Variants in APBB2 observed in about 807,000 individuals in gnomAD.
APBB2 encodes the protein amyloid beta precursor protein binding family B member 2.
Under a neutral mutation model 82.5 loss-of-function variants are expected in APBB2, and 38 were observed. The ratio of observed to expected loss-of-function variants is 0.46; its 90% CI spans 0.36 to 0.60. The LOEUF is 0.60. APBB2 is among the 20% of genes least tolerant of loss of function. The probability of loss-of-function intolerance (pLI) is 0.00; values close to 1 mark genes in which losing one functional copy is unlikely to be tolerated. For missense variants in APBB2, 772 were observed against 972.3 expected (o/e 0.79, Z 2.74); for synonymous variants, 341 against 368.2 (o/e 0.93, Z 0.85).
At chr4:40,821,437 G>T (rs4861067) in intron 17 of APBB2, among the ~76,000 whole-genome samples, 80,033 of 152,066 alleles carry the variant, frequency 0.53, 21,393 homozygotes, top group African/African-American at 0.61. Context: ...AGAGTTGTCG[G>T]AAGGACTGAG....
At chr4:40,945,175 G>C in intron 6 of APBB2, 102 bp from the exon 7 acceptor site, 1 of 806,596 alleles carries the variant, frequency 1.2e-6, no homozygotes, top group East Asian at 2.6e-5. Flanking sequence ...CGTGTCCATA[G>C]TCCAAATGAT....
intron 6 of APBB2, among the ~76,000 whole-genome samples, chr4:40,992,034 TAA>T (rs1181913268): frequency 4.6e-5 from 7 of 152,058 alleles, no homozygotes; most frequent in Admixed American, 1.3e-4. Context: ...ACACTGAAAT[TAA>T]GAGTGAAAAC....
At chr4:40,946,240 A>AG (rs1788382614) in intron 6 of APBB2, among the ~76,000 whole-genome samples, 1 of 149,818 alleles carries the variant, frequency 6.7e-6, no homozygotes, top group African/African-American at 2.5e-5. Context: ...TCCAAAAAAA[A>AG]AAAAAAAAAA....
chr4:41,064,934 A>G (rs138305877), intron 4 of APBB2, among the ~76,000 whole-genome samples: 17 of 152,310 alleles, frequency 1.1e-4, no homozygotes, highest in African/African-American at 3.6e-4. Context: ...TATCATTTCA[A>G]ATGTTAACAT....
chr4:40,882,183 C>G (rs368987839), intron 12 of APBB2, among the ~76,000 whole-genome samples: 11 of 152,246 alleles, frequency 7.2e-5, no homozygotes, highest in Admixed American at 2.0e-4. Flanking sequence ...ACTACAATGG[C>G]AAAAGGGGAT....
At chr4:40,994,973 A>T (rs1313974701) in intron 6 of APBB2, among the ~76,000 whole-genome samples, 1 of 152,044 alleles carries the variant, frequency 6.6e-6, no homozygotes, top group Non-Finnish European at 1.5e-5. Flanking sequence ...AAAAAAAAGC[A>T]ATCATTCCCT....
At chr4:41,154,121 G>A (rs7674456) in intron 1 of APBB2, among the ~76,000 whole-genome samples, 39,119 of 151,922 alleles carry the variant, frequency 0.26, 5,573 homozygotes, top group African/African-American at 0.39. Context: ...GAACACAATC[G>A]CACATGCAAG....
chr4:40,869,029 A>G (rs903428522), intron 12 of APBB2, among the ~76,000 whole-genome samples: 1 of 149,074 alleles, frequency 6.7e-6, no homozygotes, highest in Non-Finnish European at 1.5e-5. Context: ...CCACCTTTCT[A>G]TTTTTTTTTT....
intron 10 of APBB2, among the ~76,000 whole-genome samples, chr4:40,904,428 CAAAT>C (rs71198612): frequency 0.049 from 7,087 of 144,208 alleles, 309 homozygotes; most frequent in African/African-American, 0.11. Context: ...GAGACTCCAT[CAAAT>C]AAATAAATAA....
In APBB2 at chr4:40,832,912, G is replaced by A. The variant is rs1752530012; in HGVS notation, c.1530-2335C>T. ...CACATCCCTCCTTCCTGTTGGGAAAGTCGGTCCTTGCTCAGTACTGAATGG... is the reference window on the plus strand; with the variant it reads ...CACATCCCTCCTTCCTGTTGGGAAAATCGGTCCTTGCTCAGTACTGAATGG... On this transcript the variant is annotated intron_variant, in intron 12 of 17. Transcript: ENST00000508593. The surrounding 1 kb of genome is among the most constrained non-coding windows in gnomAD (Gnocchi z 4.8). Among the ~76,000 whole-genome samples, 1 of 152,148 alleles carries A rather than the reference G, an allele frequency of 6.6e-6. No individual in the cohort carries two copies. The highest frequency in any genetic ancestry group is 2.4e-5 in the African/African-American group (1 of 41,428).
chr4:40,983,821 C>T (rs955121624), intron 6 of APBB2, among the ~76,000 whole-genome samples: 3 of 152,202 alleles, frequency 2.0e-5, no homozygotes, highest in Non-Finnish European at 4.4e-5. Context: ...AAGTGTTCCT[C>T]CCGCCTCGGC....
In APBB2 at chr4:40,815,989, C is replaced by CA; in HGVS notation, c.*102dup. 7.4e-7 allele frequency: 1 copy of CA among 1,344,356 alleles called. No individual in the cohort carries two copies. Among genetic ancestry groups the CA allele is most frequent in the Admixed American group, 2.0e-5 (1 of 50,432 alleles). 83.3% of individuals were successfully genotyped at this position (1,344,356 alleles called of 1,614,324 possible). A position where few individuals can be genotyped will look rare whatever the true frequency, so the allele number is the denominator to read the frequency against. ...TGGTTAAGGGTAAATTCTCTGAAGA[C>CA]AAAGCATCAGCAACTGGATGGAAGG... On this transcript the variant is annotated 3_prime_UTR_variant, in exon 18 of 18. Transcript: ENST00000508593.
chr4:41,005,054 T>C (rs1466909702), intron 6 of APBB2, among the ~76,000 whole-genome samples: 1 of 152,160 alleles, frequency 6.6e-6, no homozygotes, highest in East Asian at 1.9e-4. Flanking sequence ...GTTTGCTATC[T>C]GAATATTTCT....
At position 41,144,246 on chromosome 4, in the gene APBB2, T is replaced by A. The variant is rs1335817280; in HGVS notation, c.-416-1104A>T. 1.3e-5 allele frequency among the ~76,000 whole-genome samples: 2 copies of A among 152,224 alleles called. 1 individual carries two copies. On this transcript the variant is annotated intron_variant, in intron 1 of 17. Coordinates refer to ENST00000508593, the MANE Select transcript of APBB2 (RefSeq NM_004307.2). ...CGTCACAAGTGTGCTAAGCATAACA[T>A]TACATTAATCTCTACCTTCAGTTGA...
chr4:40,945,972 C>T (rs1005562862), intron 6 of APBB2, among the ~76,000 whole-genome samples: 7 of 152,158 alleles, frequency 4.6e-5, no homozygotes, highest in Non-Finnish European at 8.8e-5. Context: ...GTGGTTCACA[C>T]CTATAATCCC....
At chr4:41,202,254 T>G (rs1776878790) in intron 1 of APBB2, among the ~76,000 whole-genome samples, 1 of 152,252 alleles carries the variant, frequency 6.6e-6, no homozygotes, top group Non-Finnish European at 1.5e-5. Flanking sequence ...GCAACTGCCA[T>G]TCTACTGTCT....
At chr4:41,160,480 T>C (rs1764880158) in intron 1 of APBB2, among the ~76,000 whole-genome samples, 1 of 152,190 alleles carries the variant, frequency 6.6e-6, no homozygotes, top group Non-Finnish European at 1.5e-5. Context: ...AGCTGAAGAT[T>C]GCAGCAGACA....
chr4:41,126,028 T>C (rs1286852945), intron 2 of APBB2, among the ~76,000 whole-genome samples: 12 of 152,134 alleles, frequency 7.9e-5, no homozygotes, highest in Non-Finnish European at 2.9e-5. Flanking sequence ...GTTTCACACC[T>C]TTAATTGGAG....
chr4:40,854,667 T>C (rs1414152485), intron 12 of APBB2, among the ~76,000 whole-genome samples: 2 of 151,824 alleles, frequency 1.3e-5, no homozygotes, highest in Non-Finnish European at 2.9e-5. Context: ...CGGGCGCCTG[T>C]AATCCCAGCT....
Sources: allele counts gnomAD v4.1 joint callset (sites outside exome capture counted in the v4.1 genomes callset), GRCh38; gene constraint gnomAD v4.1.1; non-coding constraint Gnocchi (gnomAD v3.1); transcripts MANE v1.5; gene names NCBI Gene and HGNC (gene_info 2026-07-23, HGNC 2026-07-21).